The following SYCP2 variants were observed in gnomAD, a reference collection of about 807,000 sequenced individuals.
SYCP2 encodes synaptonemal complex protein 2, also known as synaptonemal complex lateral element protein.
A neutral mutation model predicts 211.3 loss-of-function variants in SYCP2; 55 were observed. That is an observed-to-expected ratio of 0.26 (90% CI 0.21 to 0.33). SYCP2 has a LOEUF of 0.33. Among genes scored for constraint, SYCP2 ranks in the 10% least tolerant of loss-of-function variants. SYCP2 has a pLI of 1.00. For missense variants in SYCP2, 1,731 were observed against 1,752.0 expected (o/e 0.99, Z 0.21); for synonymous variants, 570 against 555.2 (o/e 1.03, Z -0.37).
At chr20:59,923,088 T>A (rs2145885863) in intron 2 of SYCP2, among the ~76,000 whole-genome samples, 1 of 152,006 alleles carries the variant, frequency 6.6e-6, no homozygotes, top group South Asian at 2.1e-4. Context: ...TGCCACAAAT[T>A]AATATATTGC....
At chr20:59,907,333 G>A (rs769241112) in intron 15 of SYCP2, 31 bp downstream of exon 15, 15 of 1,441,684 alleles carry the variant, frequency 1.0e-5, no homozygotes, top group Non-Finnish European at 1.4e-5. Flanking sequence ...TAAGAATTAA[G>A]AAAATTATTA....
chr20:59,930,638 T>C (rs2060721154), intron 2 of SYCP2, among the ~76,000 whole-genome samples: 1 of 152,186 alleles, frequency 6.6e-6, no homozygotes, highest in Non-Finnish European at 1.5e-5. Flanking sequence ...TATGTAGATC[T>C]AGACATGAAC....
chr20:59,889,546 T>C (rs73917265), intron 24 of SYCP2, among the ~76,000 whole-genome samples: 2,742 of 152,128 alleles, frequency 0.018, 88 homozygotes, highest in African/African-American at 0.063. Context: ...ATAGGTTTTT[T>C]AGTTGTAGTA....
At position 59,922,382 on chromosome 20, in the gene SYCP2, C is replaced by G. The variant is rs775120601; in HGVS notation, c.24+8G>C. 2 of 1,565,390 alleles carry G rather than the reference C, an allele frequency of 1.3e-6. No homozygotes were observed. Among genetic ancestry groups the G allele is most frequent in the Non-Finnish European group, 1.7e-6 (2 of 1,161,534 alleles). Reference sequence around the variant, plus strand: ...GAAAATACTTACTTTTGGTCTAGGACTACATACCTGGAGATCTGGTCTTAT... The same window carrying G: ...GAAAATACTTACTTTTGGTCTAGGAGTACATACCTGGAGATCTGGTCTTAT... On this transcript the variant is annotated splice_region_variant and intron_variant, in intron 3 of 44. Transcript: ENST00000357552.
At chr20:59,870,648 T>C (rs541406481) in intron 35 of SYCP2, among the ~76,000 whole-genome samples, 102 of 151,900 alleles carry the variant, frequency 6.7e-4, no homozygotes, top group African/African-American at 2.3e-3. Flanking sequence ...AATTCTAAAA[T>C]GTATATGAAT....
intron 2 of SYCP2, among the ~76,000 whole-genome samples, chr20:59,928,577 C>T (rs1003748124): frequency 4.6e-5 from 7 of 152,002 alleles, no homozygotes; most frequent in African/African-American, 1.7e-4. Flanking sequence ...AAACATATTA[C>T]AAAGTCACAA....
chr20:59,876,411 A>AAAAAAAG lies in SYCP2; in HGVS notation c.3151-943_3151-942insCTTTTTT, dbSNP rs71183188. 2.1e-5 allele frequency among the ~76,000 whole-genome samples: 3 copies of AAAAAAAG among 139,680 alleles called. No individual in the cohort carries two copies. In the East Asian group the frequency reaches 6.2e-4, roughly 29 times the overall value. The allele number at this position is 139,680 out of a possible 152,430, so 91.6% of individuals were successfully genotyped here. A position where few individuals can be genotyped will look rare whatever the true frequency, so the allele number is the denominator to read the frequency against. On this transcript the variant is annotated intron_variant, in intron 33 of 44. Transcript: ENST00000357552. ...AAAAAAAAAAAAAAAAAAAAAAAAA[A>AAAAAAAG]GAAGAAGTGATAGAAAATGTAGACC...
chr20:59,895,837 T>TAC (rs1174809687), intron 19 of SYCP2, among the ~76,000 whole-genome samples: 3 of 152,092 alleles, frequency 2.0e-5, no homozygotes, highest in Non-Finnish European at 4.4e-5. Flanking sequence ...GCCTGTCAGA[T>TAC]ACTAAGCAAT....
In SYCP2 at chr20:59,919,546, A is replaced by C. The variant is rs1282493810; in HGVS notation, c.349T>G (p.Ser117Ala). Reference protein sequence around the residue: ...SKDIIQSQGNSKDEAVLNMIE... With the variant: ...SKDIIQSQGNAKDEAVLNMIE... ...ATATTTAGAACAGCTTCATCTTTTG[A>C]ATTTCCTTGACTCTGAATAATGTCC... Residue 117 changes from serine to alanine, a missense_variant, in exon 6 of 45, where the codon TCA (serine) becomes GCA (alanine). Around this residue, in one of 3 missense-constraint regions of SYCP2, gnomAD observed 335 missense variants for 378.8 expected, o/e 0.88. Coordinates refer to ENST00000357552, the MANE Select transcript of SYCP2 (RefSeq NM_014258.4). 3 of 1,610,782 alleles carry C rather than the reference A, an allele frequency of 1.9e-6. No individual in the cohort carries two copies. Among genetic ancestry groups the C allele is most frequent in the Non-Finnish European group, 2.5e-6 (3 of 1,178,030 alleles).
At position 59,901,924 on chromosome 20, in the gene SYCP2, A is replaced by G. The variant is rs8121075; in HGVS notation, c.1034-114T>C. ...TTGAATCAAAATTCAAATTCTCAATATTGAACAGTGTTTAAATTAATCAAT... is the reference window on the plus strand; with the variant it reads ...TTGAATCAAAATTCAAATTCTCAATGTTGAACAGTGTTTAAATTAATCAAT... On this transcript the variant is annotated intron_variant, in intron 15 of 44. Coordinates refer to ENST00000357552, the MANE Select transcript of SYCP2 (RefSeq NM_014258.4). 5.0e-3 allele frequency: 4,046 copies of G among 815,508 alleles called. 142 individuals carry two copies. The African/African-American group carries it at 0.064, about 13-fold the overall frequency. 50.5% of individuals were successfully genotyped at this position (815,508 alleles called of 1,614,324 possible).
intron 41 of SYCP2, 97 bp from the exon 42 acceptor site, chr20:59,865,962 A>G: frequency 1.9e-6 from 1 of 515,162 alleles, no homozygotes. Flanking sequence ...AAAATCCAAC[A>G]GTAGAATTAC....
intron 2 of SYCP2, among the ~76,000 whole-genome samples, chr20:59,925,757 A>G (rs2060622851): frequency 6.6e-6 from 1 of 152,028 alleles, no homozygotes; most frequent in African/African-American, 2.4e-5. Context: ...CTCATCAAAC[A>G]GAGGATTACT....
chr20:59,900,260 A>G lies in SYCP2; in HGVS notation c.1282T>C (p.Ser428Pro). 4 of 1,605,788 alleles carry G rather than the reference A, an allele frequency of 2.5e-6. No homozygotes were observed. Among genetic ancestry groups the G allele is most frequent in the Non-Finnish European group, 3.4e-6 (4 of 1,177,784 alleles). ...CTAACGAGCTCTTCTCCGACTGGTGAGATTTGACTTTCTGGCACTAGAATC... is the reference window on the plus strand; with the variant it reads ...CTAACGAGCTCTTCTCCGACTGGTGGGATTTGACTTTCTGGCACTAGAATC... ...SQILVPESQI[S>P]PVGEELVSLK... The change falls in exon 18 of 45, where the codon TCA becomes CCA. Residue 428 changes from serine to proline, a missense_variant. Coordinates refer to ENST00000357552, the MANE Select transcript of SYCP2 (RefSeq NM_014258.4).
At chr20:59,898,092 C>A (rs972759488) in intron 18 of SYCP2, among the ~76,000 whole-genome samples, 1 of 152,056 alleles carries the variant, frequency 6.6e-6, no homozygotes. Flanking sequence ...TGCACTCCAG[C>A]CTGTGTGACA....
At position 59,892,101 on chromosome 20, in the gene SYCP2, A is replaced by G; in HGVS notation, c.2253T>C (p.Thr751=). ...KKYILSKDVN[T]ATCDKNPSAS... ...CAGATGGATTTTTATCGCAAGTAGC[A>G]GTATTCACATCTTTTGACAATATGT... Residue 751 remains threonine (T), a synonymous_variant, in exon 24 of 45, where the codon ACT becomes ACC. Transcript: ENST00000357552. 6.2e-7 allele frequency: 1 copy of G among 1,612,206 alleles called. No individual in the cohort carries two copies. The highest frequency in any genetic ancestry group is 8.5e-7 in the Non-Finnish European group (1 of 1,178,958).
intron 14 of SYCP2, among the ~76,000 whole-genome samples, chr20:59,911,076 A>G (rs926971855): frequency 6.6e-6 from 1 of 152,132 alleles, no homozygotes; most frequent in Non-Finnish European, 1.5e-5. Context: ...TTATAATATC[A>G]CCAGCCACAA....
chr20:59,907,453 A>G, intron 14 of SYCP2, 29 bp from the exon 15 acceptor site: 1 of 1,570,764 alleles, frequency 6.4e-7, no homozygotes, highest in Non-Finnish European at 8.7e-7. Context: ...TTTTGGCCAT[A>G]AATAATTTAT....
chr20:59,884,907 C>A (rs1038110066), intron 26 of SYCP2, among the ~76,000 whole-genome samples: 1 of 151,654 alleles, frequency 6.6e-6, no homozygotes, highest in African/African-American at 2.4e-5. Flanking sequence ...TTAAAAGGTA[C>A]CAAAACACTC....
intron 12 of SYCP2, among the ~76,000 whole-genome samples, chr20:59,913,299 C>T (rs925170522): frequency 2.0e-5 from 3 of 151,976 alleles, no homozygotes; most frequent in Non-Finnish European, 4.4e-5. Flanking sequence ...AATATTAGAA[C>T]AGGAAGAGAG....
Sources: gnomAD v4.1 joint callset for allele counts (sites outside exome capture counted in the v4.1 genomes callset) on GRCh38, gnomAD v4.1.1 for gene constraint, gnomAD v4.1.1 regional missense constraint, MANE v1.5 for transcripts, NCBI Gene and HGNC (gene_info 2026-07-23, HGNC 2026-07-21) for gene names.